Variants in LRRC4C observed in about 807,000 individuals in gnomAD.
LRRC4C encodes leucine-rich repeat-containing protein 4C.
In LRRC4C, 5 loss-of-function variants were observed where a neutral mutation model predicts 33.6. That is an observed-to-expected ratio of 0.15 (90% CI 0.08 to 0.31). LRRC4C has a LOEUF of 0.31. LRRC4C is among the 10% of genes least tolerant of loss of function. The probability of loss-of-function intolerance (pLI) is 1.00; values close to 1 mark genes in which losing one functional copy is unlikely to be tolerated. For missense variants in LRRC4C, 560 were observed against 796.7 expected, an observed-to-expected ratio of 0.70 and a Z score of 3.58; for synonymous variants, 329 against 302.0, an observed-to-expected ratio of 1.09 and a Z score of -0.93.
intron 4 of LRRC4C, among the ~76,000 whole-genome samples, chr11:40,287,576 C>T (rs1943931545): frequency 6.6e-6 from 1 of 151,990 alleles, no homozygotes; most frequent in Non-Finnish European, 1.5e-5. Context: ...CAAGATCAGC[C>T]TAATTAAATT....
intron 6 of LRRC4C, among the ~76,000 whole-genome samples, chr11:40,131,309 T>G (rs1396095105): frequency 2.0e-5 from 3 of 152,192 alleles, no homozygotes; most frequent in Admixed American, 2.0e-4. Flanking sequence ...AATTACTCCT[T>G]GTCACCCTCC....
intron 2 of LRRC4C, among the ~76,000 whole-genome samples, chr11:40,825,939 C>CTTT (rs1272538132): frequency 3.3e-5 from 1 of 30,562 alleles, no homozygotes; most frequent in Non-Finnish European, 8.9e-5. Flanking sequence ...ATATTGTATT[C>CTTT]TGGGGGGGGG....
intron 3 of LRRC4C, among the ~76,000 whole-genome samples, chr11:40,559,306 C>G (rs1378924938): frequency 6.6e-6 from 1 of 151,806 alleles, no homozygotes; most frequent in Non-Finnish European, 1.5e-5. Flanking sequence ...TCCCCAGCCT[C>G]CTGAGTAGCT....
At chr11:41,348,411 A>C (rs1239636229) in intron 1 of LRRC4C, among the ~76,000 whole-genome samples, 1 of 142,876 alleles carries the variant, frequency 7.0e-6, no homozygotes, top group Non-Finnish European at 1.5e-5. Flanking sequence ...AAACACAAAA[A>C]ATAGAGTTGT....
At chr11:40,841,570 G>A (rs1952915210) in intron 2 of LRRC4C, among the ~76,000 whole-genome samples, 1 of 152,154 alleles carries the variant, frequency 6.6e-6, no homozygotes, top group Non-Finnish European at 1.5e-5. Context: ...CAGCAAGAAG[G>A]CATCCATCTG....
chr11:40,272,146 A>G (rs1390417910), intron 4 of LRRC4C, among the ~76,000 whole-genome samples: 2 of 152,176 alleles, frequency 1.3e-5, no homozygotes, highest in African/African-American at 4.8e-5. Flanking sequence ...TTGCATAAGA[A>G]AACGGAAACT....
intron 3 of LRRC4C, among the ~76,000 whole-genome samples, chr11:40,449,166 G>A (rs1951776938): frequency 1.3e-5 from 2 of 151,970 alleles, no homozygotes; most frequent in Admixed American, 6.6e-5. Flanking sequence ...TGGTTAGATT[G>A]CAAAAATTGT....
In LRRC4C at chr11:41,188,089, T is replaced by C. The variant is rs147739531; in HGVS notation, c.-495-254366A>G. Reference sequence around the variant, plus strand: ...CAGTCTCAGCAACACCTATCCAGTTTTCACAAATTTCCTGTTTAACTTTGG... The same window carrying C: ...CAGTCTCAGCAACACCTATCCAGTTCTCACAAATTTCCTGTTTAACTTTGG... On this transcript the variant is annotated intron_variant, in intron 1 of 6. Transcript: ENST00000528697. 2.7e-3 allele frequency among the ~76,000 whole-genome samples: 405 copies of C among 152,236 alleles called. 4 individuals carry two copies. Among genetic ancestry groups the C allele is most frequent in the African/African-American group, 9.4e-3 (389 of 41,562 alleles).
chr11:40,451,608 A>G (rs12364007), intron 3 of LRRC4C, among the ~76,000 whole-genome samples: 58,676 of 151,370 alleles, frequency 0.39, 11,705 homozygotes, highest in East Asian at 0.53. Context: ...GCTGGTCTCA[A>G]ACTCCTGACC....
At chr11:40,876,596 G>T (rs181787495) in intron 2 of LRRC4C, among the ~76,000 whole-genome samples, 16 of 152,046 alleles carry the variant, frequency 1.1e-4, no homozygotes, top group Admixed American at 3.9e-4. Context: ...GCTGCCGGTG[G>T]TGACTGTTTT....
At chr11:40,406,509 A>G (rs1483621750) in intron 3 of LRRC4C, among the ~76,000 whole-genome samples, 1 of 152,178 alleles carries the variant, frequency 6.6e-6, no homozygotes, top group Non-Finnish European at 1.5e-5. Flanking sequence ...TGTGTTGGGC[A>G]GTATACATAT....
intron 1 of LRRC4C, among the ~76,000 whole-genome samples, chr11:41,381,121 T>C (rs1222693989): frequency 1.3e-5 from 2 of 152,146 alleles, no homozygotes; most frequent in Non-Finnish European, 2.9e-5. Context: ...CATAGGATTT[T>C]TGTTTGGAGA....
At chr11:41,230,544 A>C (rs1203538336) in intron 1 of LRRC4C, among the ~76,000 whole-genome samples, 1 of 151,996 alleles carries the variant, frequency 6.6e-6, no homozygotes, top group Non-Finnish European at 1.5e-5. Flanking sequence ...AGGATTTTTC[A>C]CTTGCAAGTT....
At chr11:40,215,585 G>C (rs1863917219) in intron 5 of LRRC4C, among the ~76,000 whole-genome samples, 1 of 152,152 alleles carries the variant, frequency 6.6e-6, no homozygotes, top group Non-Finnish European at 1.5e-5. Flanking sequence ...GATAGCCCTT[G>C]GTGTTGGACA....
At chr11:40,482,020 A>G (rs1372054075) in intron 3 of LRRC4C, among the ~76,000 whole-genome samples, 1 of 152,234 alleles carries the variant, frequency 6.6e-6, no homozygotes, top group Non-Finnish European at 1.5e-5. Flanking sequence ...CAAACAAATC[A>G]ATGATTAATA....
chr11:41,137,093 C>CA (rs1209635539), intron 1 of LRRC4C, among the ~76,000 whole-genome samples: 4 of 151,912 alleles, frequency 2.6e-5, no homozygotes, highest in African/African-American at 9.7e-5. Context: ...AGTAAAAATA[C>CA]AAAAATTAGC....
At chr11:40,967,204 GA>G (rs1029922859) in intron 1 of LRRC4C, among the ~76,000 whole-genome samples, 1 of 151,902 alleles carries the variant, frequency 6.6e-6, no homozygotes, top group Non-Finnish European at 1.5e-5. Flanking sequence ...AGAAAAGAAG[GA>G]AGGAAGAAAG....
chr11:41,110,345 G>A (rs1241307785), intron 1 of LRRC4C, among the ~76,000 whole-genome samples: 1 of 151,914 alleles, frequency 6.6e-6, no homozygotes. Flanking sequence ...CTTAAAACCA[G>A]CCATTTTCAC....
chr11:40,930,081 T>C (rs546570842), intron 2 of LRRC4C, among the ~76,000 whole-genome samples: 2 of 152,212 alleles, frequency 1.3e-5, no homozygotes, highest in East Asian at 3.9e-4. Flanking sequence ...GAGCCATAAA[T>C]GAGAATGCAG....
Sources: gnomAD v4.1 joint callset for allele counts (sites outside exome capture counted in the v4.1 genomes callset) on GRCh38, gnomAD v4.1.1 for gene constraint, MANE v1.5 for transcripts, NCBI Gene and HGNC (gene_info 2026-07-23, HGNC 2026-07-21) for gene names.